Variants in IMPDH2 observed in about 807,000 individuals in gnomAD.
IMPDH2 encodes the protein inosine-5'-monophosphate dehydrogenase 2.
Under a neutral mutation model 57.8 loss-of-function variants are expected in IMPDH2, and 33 were observed. The observed-to-expected ratio is 0.57, with a 90% CI of 0.43 to 0.76. The LOEUF (loss-of-function observed/expected upper bound fraction) is 0.76. Ranked by LOEUF, IMPDH2 falls within the 30% of genes least tolerant of loss-of-function variation. The pLI is 0.00. For missense variants in IMPDH2, 446 were observed against 659.1 expected (o/e 0.68, Z 3.54); for synonymous variants, 270 against 241.3 (o/e 1.12, Z -1.10).
rs1247422245 is a variant in IMPDH2, at chr3:49,028,740, A to G, written c.147+18T>C. 1.2e-6 allele frequency: 2 copies of G among 1,604,512 alleles called. No homozygotes were observed. Among genetic ancestry groups the G allele is most frequent in the Non-Finnish European group, 1.7e-6 (2 of 1,171,342 alleles). ...AGCTCACCTTGATGTTCAGGACCCAATTCCTGATCATACTCACCACCTGGT... is the reference window on the plus strand; with the variant it reads ...AGCTCACCTTGATGTTCAGGACCCAGTTCCTGATCATACTCACCACCTGGT... On this transcript the variant is annotated intron_variant, in intron 2 of 13. Transcript: ENST00000326739.
intron 4 of IMPDH2, 87 bp from the exon 5 acceptor site, chr3:49,028,003 G>A (rs958218493): frequency 1.8e-6 from 2 of 1,095,142 alleles, no homozygotes; most frequent in Non-Finnish European, 2.7e-6. Flanking sequence ...TCTGCTTATC[G>A]ATCCCTTTGG....
rs2093206290 is a variant in IMPDH2 at position 49,027,935 on chromosome 3, A to G, written c.325-19T>C. On this transcript the variant is annotated intron_variant, in intron 4 of 13. Transcript: ENST00000326739. Reference sequence around the variant, plus strand: ...CATATTTCTGGAAAGGGATGGTGAGAAAGGGCATCGCATCTTTGAACTACT... The same window carrying G: ...CATATTTCTGGAAAGGGATGGTGAGGAAGGGCATCGCATCTTTGAACTACT... 1 of 1,577,432 alleles carries G rather than the reference A, an allele frequency of 6.3e-7. No homozygotes were observed. The highest frequency in any genetic ancestry group is 1.7e-5 in the Admixed American group (1 of 59,296).
Position 49,025,027 on chromosome 3 carries a change from A to G in IMPDH2, c.1164T>C (p.Ser388=), listed in dbSNP as rs767679698. The G allele has an allele frequency of 3.7e-6, 6 of 1,614,254 alleles. No individual in the cohort carries two copies. Among genetic ancestry groups the G allele is most frequent in the Non-Finnish European group, 5.1e-6 (6 of 1,180,048 alleles). Residue 388 remains serine, a synonymous_variant, in exon 11 of 14, where the codon TCT becomes TCC. Transcript: ENST00000326739. ...GGGCCTCAGTGGTGGCAGCCAGGAGAGAGCCCATCATGACTGCGGACAGAT... is the reference window on the plus strand; with the variant it reads ...GGGCCTCAGTGGTGGCAGCCAGGAGGGAGCCCATCATGACTGCGGACAGAT... ...ALGASTVMMG[S]LLAATTEAPG...
At chr3:49,025,798 G>A (rs1394222994) in intron 9 of IMPDH2, among the ~76,000 whole-genome samples, 1 of 152,222 alleles carries the variant, frequency 6.6e-6, no homozygotes, top group East Asian at 1.9e-4. Flanking sequence ...CCTGCCTAGG[G>A]AAGAAGGTCC....
At position 49,024,943 on chromosome 3, in the gene IMPDH2, A is replaced by T. The variant is rs745557735; in HGVS notation, c.1248T>A (p.Ser416=). The T allele has an allele frequency of 1.2e-6, 2 of 1,614,238 alleles. No homozygotes were observed. Among genetic ancestry groups the T allele is most frequent in the Non-Finnish European group, 1.7e-6 (2 of 1,180,036 alleles). ...TGAGGTGCTTGTCCATGGCATCGAG[A>T]GAACCCATACCGCGATATTTCTTTA... is the stretch of plus-strand genomic sequence containing the variant. ...IRLKKYRGMG[S]LDAMDKHLSS... is the part of the protein sequence containing the mutation. Residue 416 remains serine (S), a synonymous_variant, in exon 11 of 14, where the codon TCT becomes TCA. Coordinates refer to ENST00000326739, the MANE Select transcript of IMPDH2 (RefSeq NM_000884.3).
In IMPDH2 at chr3:49,029,383, G is replaced by C. The variant is rs767411165; in HGVS notation, c.-33C>G. On this transcript the variant is annotated 5_prime_UTR_variant, in exon 1 of 14. Transcript: ENST00000326739. ...ACAGGACACCGCCGCGTGTCTCCGA[G>C]GACCGCGCCGCAGAGACCTCTGCCG... The C allele has an allele frequency of 1.4e-6, 2 of 1,447,244 alleles. No homozygotes were observed. The highest frequency in any genetic ancestry group is 1.7e-4 in the Middle Eastern group (1 of 5,792). 89.7% of individuals were successfully genotyped at this position (1,447,244 alleles called of 1,614,324 possible). A position where few individuals can be genotyped will look rare whatever the true frequency, so the allele number is the denominator to read the frequency against.
Position 49,027,131 on chromosome 3 carries a change from C to G in IMPDH2, c.532-84G>C, listed in dbSNP as rs1314647623. On this transcript the variant is annotated intron_variant, in intron 5 of 13. Transcript: ENST00000326739. ...TTTCTTTCCTTCCCAAGTAGCTGAG[C>G]TCAGAGGCACGCGCCACCACACCCA... is the stretch of plus-strand genomic sequence containing the variant. The G allele has an allele frequency of 4.7e-6, 5 of 1,054,612 alleles. No individual in the cohort carries two copies. The African/African-American group carries it at 6.2e-5, about 13-fold the overall frequency. The allele number at this position is 1,054,612 out of a possible 1,614,324, so 65.3% of individuals were successfully genotyped here.
chr3:49,029,027 C>G (rs901365823), intron 1 of IMPDH2: 8 of 645,434 alleles, frequency 1.2e-5, no homozygotes, highest in Non-Finnish European at 2.0e-5. Context: ...TTCCATGTGT[C>G]TGGAGCATGG....
chr3:49,028,737 C>A lies in IMPDH2; in HGVS notation c.147+21G>T, dbSNP rs72624906. 58 of 1,600,884 alleles carry A rather than the reference C, an allele frequency of 3.6e-5. No individual in the cohort carries two copies. In the African/African-American group the frequency reaches 5.2e-4, roughly 14 times the overall value. ...CTTAGCTCACCTTGATGTTCAGGAC[C>A]CAATTCCTGATCATACTCACCACCT... is the stretch of plus-strand genomic sequence containing the variant. On this transcript the variant is annotated intron_variant, in intron 2 of 13. Transcript: ENST00000326739.
In IMPDH2 at chr3:49,027,113, C is replaced by T. The variant is rs1308318586; in HGVS notation, c.532-66G>A. On this transcript the variant is annotated intron_variant, in intron 5 of 13. Coordinates refer to ENST00000326739, the MANE Select transcript of IMPDH2 (RefSeq NM_000884.3). ...CTATGACCAGTTAACTCTTTTCTTTCCTTCCCAAGTAGCTGAGCTCAGAGG... is the reference window on the plus strand; with the variant it reads ...CTATGACCAGTTAACTCTTTTCTTTTCTTCCCAAGTAGCTGAGCTCAGAGG... The T allele has an allele frequency of 4.0e-6, 5 of 1,260,312 alleles. No homozygotes were observed. In the African/African-American group the frequency reaches 4.4e-5, roughly 11 times the overall value. 78.1% of individuals were successfully genotyped at this position (1,260,312 alleles called of 1,614,324 possible).
In IMPDH2 at chr3:49,025,482, G is replaced by C. The variant is rs1368400142; in HGVS notation, c.1007-213C>G. ...CCTCTACTCACCCCCACATGTGCAC[G>C]TGCATGTGTGCAGTGCCCAGGGCAG... On this transcript the variant is annotated intron_variant, in intron 9 of 13. Transcript: ENST00000326739. The C allele has an allele frequency of 5.2e-6, 3 of 578,970 alleles. No homozygotes were observed. In the East Asian group the frequency reaches 8.9e-5, roughly 17 times the overall value. 35.9% of individuals were successfully genotyped at this position (578,970 alleles called of 1,614,324 possible). A position where few individuals can be genotyped will look rare whatever the true frequency, so the allele number is the denominator to read the frequency against.
chr3:49,028,337 G>A lies in IMPDH2; in HGVS notation c.250-15C>T, dbSNP rs561565354. On this transcript the variant is annotated splice_polypyrimidine_tract_variant and intron_variant, in intron 3 of 13. Transcript: ENST00000326739. ...CCGCCTGTAAGCTACAGGATAAAAA[G>A]AGACTACTACTAAGTGACAAGAAGC... 7 of 1,613,144 alleles carry A rather than the reference G, an allele frequency of 4.3e-6. No individual in the cohort carries two copies. The highest frequency in any genetic ancestry group is 4.2e-6 in the Non-Finnish European group (5 of 1,179,112).
Position 49,024,595 on chromosome 3 carries a change from G to A in IMPDH2, c.1440-17C>T. ...ATCATGGCTCTGAAGAAGGGCAGAGGTCAAATGTGGGTAGCTGGCCCTGGA... is the reference window on the plus strand; with the variant it reads ...ATCATGGCTCTGAAGAAGGGCAGAGATCAAATGTGGGTAGCTGGCCCTGGA... On this transcript the variant is annotated splice_polypyrimidine_tract_variant and intron_variant, in intron 12 of 13. Coordinates refer to ENST00000326739, the MANE Select transcript of IMPDH2 (RefSeq NM_000884.3). The A allele has an allele frequency of 1.9e-6, 3 of 1,614,140 alleles. No individual in the cohort carries two copies. Among genetic ancestry groups the A allele is most frequent in the Middle Eastern group, 1.6e-4 (1 of 6,062 alleles).
At chr3:49,028,220 G>A (rs200952546) in intron 4 of IMPDH2, 28 bp downstream of exon 4, 42 of 1,583,170 alleles carry the variant, frequency 2.7e-5, no homozygotes, top group Admixed American at 8.3e-5. Flanking sequence ...TCCCAGGAGC[G>A]CTTGCTAATG....
chr3:49,025,902 T>C, intron 9 of IMPDH2: 1 of 455,364 alleles, frequency 2.2e-6, no homozygotes, highest in Admixed American at 2.4e-5. Context: ...TGCCCACCCA[T>C]CAGCACCACA....
At chr3:49,027,632 G>T in intron 5 of IMPDH2, 78 bp downstream of exon 5, 1 of 1,193,098 alleles carries the variant, frequency 8.4e-7, no homozygotes, top group Non-Finnish European at 1.2e-6. Context: ...GGCTATCAGA[G>T]ATGTCTTAGA....
Position 49,026,587 on chromosome 3 carries a change from A to G in IMPDH2, c.842T>C (p.Ile281Thr), listed in dbSNP as rs1402430681. 1.2e-6 allele frequency: 2 copies of G among 1,613,994 alleles called. No individual in the cohort carries two copies. Among genetic ancestry groups the G allele is most frequent in the Non-Finnish European group, 1.7e-6 (2 of 1,179,820 alleles). The stretch of plus-strand genomic sequence containing the variant: ...GTACTTGATCATATTGATCTGGAAG[A>G]TGGAATTTCCCTGGGAAGAGTCCTA... ...VVLDSSQGNS[I>T]FQINMIKYIK... The change falls in exon 8 of 14, where the codon ATC (isoleucine) becomes ACC (threonine). Residue 281 changes from isoleucine to threonine, a missense_variant. Coordinates refer to ENST00000326739, the MANE Select transcript of IMPDH2 (RefSeq NM_000884.3).
In IMPDH2 at chr3:49,026,813, C is replaced by G; in HGVS notation, c.693G>C (p.Arg231=). The change falls in exon 7 of 14, where the codon CGG becomes CGC. Residue 231 remains arginine (R), a synonymous_variant. Transcript: ENST00000326739. ...CATCTTTGGAGGCTAGTGGGTAGTC[C>G]CGATTCTTCTTCAGGTCTGTCCGGG... ...IIARTDLKKN[R]DYPLASKDAK... 6.2e-7 allele frequency: 1 copy of G among 1,614,210 alleles called. No homozygotes were observed. The highest frequency in any genetic ancestry group is 8.5e-7 in the Non-Finnish European group (1 of 1,180,036).
intron 9 of IMPDH2, 120 bp from the exon 10 acceptor site, chr3:49,025,389 T>A: frequency 9.4e-7 from 1 of 1,061,936 alleles, no homozygotes; most frequent in Non-Finnish European, 1.4e-6. Flanking sequence ...GCAGCTTGGC[T>A]GAGGAACAGA....
Sources: gnomAD v4.1 joint callset for allele counts (sites outside exome capture counted in the v4.1 genomes callset) on GRCh38, gnomAD v4.1.1 for gene constraint, MANE v1.5 for transcripts, NCBI Gene and HGNC (gene_info 2026-07-23, HGNC 2026-07-21) for gene names.